The following RPP30 variants were observed in gnomAD, a reference collection of about 807,000 sequenced individuals.
RPP30 encodes ribonuclease P protein subunit p30.
RPP30 carries 36 observed loss-of-function variants against 38.6 expected under a neutral mutation model. That is an observed-to-expected ratio of 0.93 (90% CI 0.71 to 1.23). RPP30 has a LOEUF of 1.23. Ranked by LOEUF, RPP30 falls within the 50% of genes most tolerant of loss-of-function variation. The pLI, the probability that RPP30 is intolerant of heterozygous loss-of-function variation, is 0.00. For missense variants in RPP30, 321 were observed against 321.7 expected, an observed-to-expected ratio of 1.00 and a Z score of 0.02; for synonymous variants, 126 against 112.7, an observed-to-expected ratio of 1.12 and a Z score of -0.75.
At chr10:90,890,949 A>G (rs1847074687) in intron 6 of RPP30, among the ~76,000 whole-genome samples, 1 of 152,220 alleles carries the variant, frequency 6.6e-6, no homozygotes, top group African/African-American at 2.4e-5. Flanking sequence ...GAGATTTCAC[A>G]TTAAAATCAC....
At chr10:90,880,853 C>G (rs1417280468) in intron 5 of RPP30, among the ~76,000 whole-genome samples, 2 of 152,156 alleles carry the variant, frequency 1.3e-5, no homozygotes, top group East Asian at 3.8e-4. Context: ...ACATTCAGCC[C>G]TCACCACTGG....
chr10:90,899,385 T>C (rs1847176842), intron 10 of RPP30, among the ~76,000 whole-genome samples: 1 of 152,252 alleles, frequency 6.6e-6, no homozygotes, highest in Non-Finnish European at 1.5e-5. Flanking sequence ...TAACACTTTA[T>C]GGTTGACTTT....
chr10:90,887,689 G>A (rs570753877), intron 6 of RPP30, among the ~76,000 whole-genome samples: 26 of 152,244 alleles, frequency 1.7e-4, no homozygotes, highest in Non-Finnish European at 3.1e-4. Flanking sequence ...CCGGCCTAGG[G>A]TAAATATTGA....
intron 6 of RPP30, among the ~76,000 whole-genome samples, chr10:90,887,342 A>G (rs1490962913): frequency 6.6e-6 from 1 of 151,826 alleles, no homozygotes; most frequent in Non-Finnish European, 1.5e-5. Flanking sequence ...AAAATATATC[A>G]TCATATATTT....
At chr10:90,899,884 A>T (rs1564716019) in intron 10 of RPP30, among the ~76,000 whole-genome samples, 1 of 152,202 alleles carries the variant, frequency 6.6e-6, no homozygotes, top group South Asian at 2.1e-4. Context: ...CTCTGTATGG[A>T]CACAGTGCCT....
intron 10 of RPP30, among the ~76,000 whole-genome samples, chr10:90,898,789 A>T (rs1370540068): frequency 1.3e-5 from 2 of 152,142 alleles, no homozygotes; most frequent in African/African-American, 4.8e-5. Flanking sequence ...AATGAATAGC[A>T]ATTCTGAGGA....
At chr10:90,875,720 A>G in intron 3 of RPP30, 106 bp downstream of exon 3, 1 of 933,468 alleles carries the variant, frequency 1.1e-6, no homozygotes, top group South Asian at 1.4e-5. Context: ...TCTGAGTACC[A>G]GTCTTAACGT....
chr10:90,879,306 T>A (rs1564711059), intron 5 of RPP30, among the ~76,000 whole-genome samples, 172 bp downstream of exon 5: 1 of 152,188 alleles, frequency 6.6e-6, no homozygotes, highest in Admixed American at 6.5e-5. Flanking sequence ...ATTTGTGGTT[T>A]TTTTGTTTTG....
intron 1 of RPP30, among the ~76,000 whole-genome samples, chr10:90,874,325 G>T (rs1467860199): frequency 2.0e-5 from 3 of 152,186 alleles, no homozygotes; most frequent in Admixed American, 6.5e-5. Context: ...TGGGAAGCGG[G>T]CAGTGGTGTG....
chr10:90,899,337 T>TA (rs1355377461), intron 10 of RPP30, among the ~76,000 whole-genome samples: 1 of 152,240 alleles, frequency 6.6e-6, no homozygotes, highest in African/African-American at 2.4e-5. Flanking sequence ...GCAGAGTAGA[T>TA]TTACTAAGTT....
intron 6 of RPP30, among the ~76,000 whole-genome samples, chr10:90,886,227 G>C (rs1589497673): frequency 6.6e-6 from 1 of 152,042 alleles, no homozygotes; most frequent in Admixed American, 6.6e-5. Context: ...AGTCAAAAAA[G>C]AAGAGGAAGG....
downstream of RPP30, among the ~76,000 whole-genome samples, chr10:90,904,678 G>A (rs1036107850): frequency 6.6e-6 from 1 of 151,992 alleles, no homozygotes; most frequent in African/African-American, 2.4e-5. Context: ...CAGGCATGGT[G>A]GCCCATGACT....
At chr10:90,902,997 A>ATT (rs1389562892), downstream of RPP30, among the ~76,000 whole-genome samples, 3 of 152,164 alleles carry the variant, frequency 2.0e-5, no homozygotes, top group African/African-American at 7.2e-5. Flanking sequence ...AAATATGAAA[A>ATT]TTGATGAGCT....
intron 5 of RPP30, among the ~76,000 whole-genome samples, chr10:90,882,062 A>G (rs1846936250): frequency 6.6e-6 from 1 of 152,166 alleles, no homozygotes; most frequent in Non-Finnish European, 1.5e-5. Flanking sequence ...GAGGGGGTCC[A>G]TTGGTTAGGG....
intron 6 of RPP30, among the ~76,000 whole-genome samples, chr10:90,889,801 A>G (rs1490906235): frequency 5.3e-5 from 8 of 152,188 alleles, no homozygotes; most frequent in African/African-American, 1.2e-4. Flanking sequence ...CCCTTTTGTC[A>G]TCTTCACTGT....
At chr10:90,895,278 C>T (rs1241549149) in intron 7 of RPP30, 176 bp from the exon 8 acceptor site, 2 of 499,120 alleles carry the variant, frequency 4.0e-6, no homozygotes, top group Non-Finnish European at 7.0e-6. Flanking sequence ...TTACAGATTG[C>T]CTTTAGTTTG....
At chr10:90,894,683 G>A (rs1424890516) in intron 6 of RPP30, 92 bp from the exon 7 acceptor site, 5 of 878,024 alleles carry the variant, frequency 5.7e-6, no homozygotes, top group South Asian at 5.4e-5. Flanking sequence ...GTCAGTAGTA[G>A]GGAGTGAGGA....
At chr10:90,893,849 A>C (rs1847109495) in intron 6 of RPP30, among the ~76,000 whole-genome samples, 1 of 152,244 alleles carries the variant, frequency 6.6e-6, no homozygotes. Context: ...AAACCATCTC[A>C]GCTTTTGCAC....
chr10:90,888,622 T>TC (rs1244227857), intron 6 of RPP30, among the ~76,000 whole-genome samples: 1 of 152,058 alleles, frequency 6.6e-6, no homozygotes, highest in Non-Finnish European at 1.5e-5. Context: ...ATGTCCACAT[T>TC]CATCAGGAAG....
Sources: gnomAD v4.1 joint callset for allele counts (sites outside exome capture counted in the v4.1 genomes callset) on GRCh38, gnomAD v4.1.1 for gene constraint, MANE v1.5 for transcripts, NCBI Gene and HGNC (gene_info 2026-07-23, HGNC 2026-07-21) for gene names.